IQSEC1: variants seen among roughly 807,000 people sequenced by gnomAD.
IQSEC1 encodes IQ motif and SEC7 domain-containing protein 1.
Under a neutral mutation model 91.0 loss-of-function variants are expected in IQSEC1, and 31 were observed. The observed-to-expected ratio is 0.34, with a 90% CI of 0.26 to 0.46. IQSEC1 has a LOEUF of 0.46. Ranked by LOEUF, IQSEC1 falls within the 20% of genes least tolerant of loss-of-function variation. The pLI is 1.00. For missense variants in IQSEC1, 1,388 were observed against 1,575.6 expected (o/e 0.88, Z 2.02); for synonymous variants, 699 against 662.6 (o/e 1.05, Z -0.84).
intron 1 of IQSEC1, among the ~76,000 whole-genome samples, chr3:13,063,159 C>T (rs1038895658): frequency 6.6e-6 from 1 of 152,164 alleles, no homozygotes; most frequent in Non-Finnish European, 1.5e-5. Flanking sequence ...AGAGCCGACA[C>T]CACGCCCAGC....
intron 6 of IQSEC1, among the ~76,000 whole-genome samples, 186 bp from the exon 7 acceptor site, chr3:12,915,919 G>T (rs1165794921): frequency 1.3e-5 from 2 of 152,164 alleles, no homozygotes; most frequent in Admixed American, 1.3e-4. Flanking sequence ...TACCAGAACG[G>T]GCCCAATACA....
chr3:12,927,505 A>G (rs936694541), intron 3 of IQSEC1, among the ~76,000 whole-genome samples: 2 of 148,564 alleles, frequency 1.3e-5, no homozygotes, highest in Admixed American at 6.6e-5. Flanking sequence ...CGCTGCAGTG[A>G]CCAGGTCCAG....
chr3:13,057,195 C>A (rs1704909365), intron 1 of IQSEC1, among the ~76,000 whole-genome samples: 1 of 152,206 alleles, frequency 6.6e-6, no homozygotes, highest in Non-Finnish European at 1.5e-5. Flanking sequence ...ACTCTCTGGC[C>A]ATTCGGTCTC....
intron 13 of IQSEC1, among the ~76,000 whole-genome samples, chr3:12,901,771 G>A (rs1263074675): frequency 6.6e-6 from 1 of 152,126 alleles, no homozygotes; most frequent in Non-Finnish European, 1.5e-5. Flanking sequence ...CCATCTCTCT[G>A]ACCACCACGG....
chr3:12,911,545 G>A (rs905599914), intron 10 of IQSEC1, 84 bp downstream of exon 10: 16 of 1,015,116 alleles, frequency 1.6e-5, no homozygotes, highest in South Asian at 5.1e-5. Context: ...GAAGCCCCCC[G>A]CGGTTCTGTC....
intron 6 of IQSEC1, among the ~76,000 whole-genome samples, chr3:12,919,277 G>A (rs1351904252): frequency 1.3e-5 from 2 of 152,210 alleles, no homozygotes; most frequent in South Asian, 2.1e-4. Context: ...AGGAGGCCAC[G>A]TACAGTAACT....
At position 13,211,151 on chromosome 3, in the gene IQSEC1, C is replaced by T. The variant is rs1694437296; in HGVS notation, c.273-47018G>A. ...GAGTGATCTCCACCCTCATGGAGCT[C>T]GCAGTCTGTGTGGACAAGACACAGG... On this transcript the variant is annotated intron_variant, in intron 1 of 15. Transcript: ENST00000648114. This position sits in a 1 kb window ranked among gnomAD's most constrained non-coding sequence, Gnocchi z 5.3. Among the ~76,000 whole-genome samples, 1 of 152,186 alleles carries T rather than the reference C, an allele frequency of 6.6e-6. No individual in the cohort carries two copies.
intron 2 of IQSEC1, among the ~76,000 whole-genome samples, chr3:13,117,952 G>C (rs553046948): frequency 6.6e-6 from 1 of 152,166 alleles, no homozygotes; most frequent in Non-Finnish European, 1.5e-5. Context: ...TAAGGATCTA[G>C]TATCCTTATC....
chr3:13,098,911 G>A (rs1706010863), intron 2 of IQSEC1, among the ~76,000 whole-genome samples: 1 of 152,156 alleles, frequency 6.6e-6, no homozygotes, highest in East Asian at 1.9e-4. Flanking sequence ...TAACATCCAC[G>A]GAATGATACA....
intron 2 of IQSEC1, among the ~76,000 whole-genome samples, chr3:13,118,556 A>G (rs926675387): frequency 1.3e-5 from 2 of 152,224 alleles, no homozygotes; most frequent in Non-Finnish European, 2.9e-5. Context: ...TCAGCCAGTC[A>G]CAAAAGAACA....
chr3:13,280,988 G>A (rs908355546), intron 1 of IQSEC1, among the ~76,000 whole-genome samples: 2 of 152,206 alleles, frequency 1.3e-5, no homozygotes, highest in African/African-American at 4.8e-5. Context: ...GATGCCCCAC[G>A]GAAGGACGAC....
intron 2 of IQSEC1, among the ~76,000 whole-genome samples, chr3:13,106,799 G>A (rs1004616072): frequency 1.3e-5 from 2 of 152,206 alleles, no homozygotes; most frequent in African/African-American, 4.8e-5. Context: ...CTGGGTGGAC[G>A]ATTGTTTTTG....
intron 1 of IQSEC1, among the ~76,000 whole-genome samples, chr3:13,205,165 C>T (rs745591848): frequency 6.6e-5 from 10 of 152,084 alleles, no homozygotes; most frequent in Non-Finnish European, 1.3e-4. Context: ...ACTGCTACAG[C>T]GAACTGCCCA....
At position 12,924,522 on chromosome 3, in the gene IQSEC1, C is replaced by A. The variant is rs1035846827; in HGVS notation, c.1730+59G>T. The A allele has an allele frequency of 6.6e-7, 1 of 1,507,310 alleles. No homozygotes were observed. The highest frequency in any genetic ancestry group is 1.3e-5 in the South Asian group (1 of 77,284). The allele number at this position is 1,507,310 out of a possible 1,614,324, so 93.4% of individuals were successfully genotyped here. On this transcript the variant is annotated intron_variant, in intron 4 of 13. Transcript: ENST00000613206. The surrounding 1 kb of genome is among the most constrained non-coding windows in gnomAD (Gnocchi z 6.3). ...GCCCTGTGTGTGCCCACGGGTAACA[C>A]AGGGTGCGTGAGGGCGTGTGTGGAA...
Position 12,899,024 on chromosome 3 carries a change from G to A in IQSEC1, c.*1959C>T, listed in dbSNP as rs979183620. The A allele has an allele frequency of 3.9e-6, 1 of 259,550 alleles. No individual in the cohort carries two copies. The highest frequency in any genetic ancestry group is 5.3e-5 in the South Asian group (1 of 18,856). The allele number at this position is 259,550 out of a possible 1,614,324, so 16.1% of individuals were successfully genotyped here. A position where few individuals can be genotyped will look rare whatever the true frequency, so the allele number is the denominator to read the frequency against. Reference sequence around the variant, plus strand: ...CCAAAGAAATGCCACGCCAATGGGAGGACACAGGTGGGCGGGTTAAAGTCA... The same window carrying A: ...CCAAAGAAATGCCACGCCAATGGGAAGACACAGGTGGGCGGGTTAAAGTCA... On this transcript the variant is annotated 3_prime_UTR_variant, in exon 14 of 14. Coordinates refer to ENST00000613206, the MANE Select transcript of IQSEC1 (RefSeq NM_001134382.3).
intron 2 of IQSEC1, among the ~76,000 whole-genome samples, chr3:13,120,968 G>A (rs570644032): frequency 6.6e-6 from 1 of 152,350 alleles, no homozygotes; most frequent in East Asian, 1.9e-4. Flanking sequence ...CATTTAAACA[G>A]GAGGCAGTTC....
At position 13,103,667 on chromosome 3, in the gene IQSEC1, G is replaced by A. The variant is rs963462512; in HGVS notation, c.303-56145C>T. Among the ~76,000 whole-genome samples, 12 of 152,278 alleles carry A rather than the reference G, an allele frequency of 7.9e-5. No individual in the cohort carries two copies. Among genetic ancestry groups the A allele is most frequent in the African/African-American group, 2.9e-4 (12 of 41,562 alleles). ...GCACGCACTGGGGGTCTGGCTGGCAGGGGAGCGGGGCTGGCAGCTGTGATT... is the reference window on the plus strand; with the variant it reads ...GCACGCACTGGGGGTCTGGCTGGCAAGGGAGCGGGGCTGGCAGCTGTGATT... On this transcript the variant is annotated intron_variant, in intron 2 of 15. Coordinates refer to the IQSEC1 transcript ENST00000648114. This position sits in a 1 kb window ranked among gnomAD's most constrained non-coding sequence, Gnocchi z 4.1.
At chr3:12,982,377 C>T (rs1350312171) in intron 1 of IQSEC1, among the ~76,000 whole-genome samples, 1 of 152,200 alleles carries the variant, frequency 6.6e-6, no homozygotes, top group Non-Finnish European at 1.5e-5. Context: ...AACCTTGAGA[C>T]ATCTTTATAG....
chr3:13,179,765 G>A (rs1030036567), intron 1 of IQSEC1, among the ~76,000 whole-genome samples: 12 of 152,260 alleles, frequency 7.9e-5, no homozygotes, highest in East Asian at 1.9e-4. Flanking sequence ...GGAGAGGTGC[G>A]GGCGGGAACC....
Sources: allele counts gnomAD v4.1 joint callset (sites outside exome capture counted in the v4.1 genomes callset), GRCh38; gene constraint gnomAD v4.1.1; non-coding constraint Gnocchi (gnomAD v3.1); transcripts MANE v1.5; gene names NCBI Gene and HGNC (gene_info 2026-07-23, HGNC 2026-07-21).